The following ERC2 variants were observed in gnomAD, a reference collection of about 807,000 sequenced individuals.
ERC2 encodes the protein ELKS/RAB6-interacting/CAST family member 2, also known as ERC protein 2.
In ERC2, 42 loss-of-function variants were observed where a neutral mutation model predicts 114.8. The observed-to-expected ratio is 0.37, with a 90% CI of 0.29 to 0.47. The LOEUF (loss-of-function observed/expected upper bound fraction) is 0.47, where lower values mean the gene tolerates loss of function less well. ERC2 is among the 20% of genes least tolerant of loss of function. The pLI, the probability that ERC2 is intolerant of heterozygous loss-of-function variation, is 0.99. For missense variants in ERC2, 939 were observed against 1,150.7 expected, an observed-to-expected ratio of 0.82 and a Z score of 2.66; for synonymous variants, 454 against 425.5, an observed-to-expected ratio of 1.07 and a Z score of -0.82.
intron 7 of ERC2, among the ~76,000 whole-genome samples, chr3:56,064,844 A>C (rs985078386): frequency 9.2e-5 from 14 of 152,228 alleles, no homozygotes. Context: ...TTTGTAAATA[A>C]AGTTTTATTG....
At chr3:55,728,810 G>A (rs376607201) in intron 15 of ERC2, among the ~76,000 whole-genome samples, 1 of 152,250 alleles carries the variant, frequency 6.6e-6, no homozygotes, top group South Asian at 2.1e-4. Flanking sequence ...GTACTCTGAC[G>A]GCGTGTTGTT....
intron 16 of ERC2, among the ~76,000 whole-genome samples, chr3:55,686,156 A>G (rs1203811567): frequency 6.6e-6 from 1 of 152,206 alleles, no homozygotes; most frequent in African/African-American, 2.4e-5. Flanking sequence ...AGGAATAAAA[A>G]GGGGCTCCCA....
At chr3:55,657,075 G>C (rs951303128) in intron 17 of ERC2, 2 of 152,190 alleles carry the variant, frequency 1.3e-5, no homozygotes, top group Non-Finnish European at 2.9e-5. Flanking sequence ...CCACTGGGAA[G>C]CTCCGTGGCT....
intron 15 of ERC2, among the ~76,000 whole-genome samples, chr3:55,701,352 T>C (rs1559519675): frequency 6.6e-6 from 1 of 152,126 alleles, no homozygotes; most frequent in Non-Finnish European, 1.5e-5. Flanking sequence ...CTCTAGGCTT[T>C]TTTCCTTGTC....
chr3:56,217,406 T>A (rs112830258), intron 3 of ERC2, among the ~76,000 whole-genome samples: 3,271 of 151,594 alleles, frequency 0.022, 53 homozygotes, highest in Non-Finnish European at 0.036. Context: ...CCAAAGAGAA[T>A]AATACCTAGG....
At chr3:55,652,223 C>T (rs1225707771) in intron 17 of ERC2, among the ~76,000 whole-genome samples, 2 of 152,216 alleles carry the variant, frequency 1.3e-5, no homozygotes, top group East Asian at 3.8e-4. Context: ...GTTTATTTAT[C>T]ATCTACAACT....
intron 14 of ERC2, among the ~76,000 whole-genome samples, chr3:55,869,103 T>G (rs2062453293): frequency 6.6e-6 from 1 of 152,160 alleles, no homozygotes; most frequent in Non-Finnish European, 1.5e-5. Context: ...AGTTGACCAA[T>G]GTGAATGTAA....
chr3:55,951,915 C>G (rs566408085), intron 12 of ERC2, among the ~76,000 whole-genome samples: 1 of 151,970 alleles, frequency 6.6e-6, no homozygotes, highest in East Asian at 1.9e-4. Context: ...TATGTACCCC[C>G]CTACTCTCTC....
intron 13 of ERC2, among the ~76,000 whole-genome samples, chr3:55,912,766 C>T (rs1412796032): frequency 2.0e-5 from 3 of 151,658 alleles, no homozygotes; most frequent in Non-Finnish European, 4.4e-5. Context: ...TACTTTGACC[C>T]CAATTATAAA....
Position 55,950,333 on chromosome 3 carries a change from T to C in ERC2, c.2403+92A>G. 4 of 1,502,064 alleles carry C rather than the reference T, an allele frequency of 2.7e-6. No homozygotes were observed. In the South Asian group the frequency reaches 5.1e-5, roughly 19 times the overall value. The allele number at this position is 1,502,064 out of a possible 1,614,324, so 93.0% of individuals were successfully genotyped here. A position where few individuals can be genotyped will look rare whatever the true frequency, so the allele number is the denominator to read the frequency against. On this transcript the variant is annotated intron_variant, in intron 13 of 17. Coordinates refer to ENST00000288221, the MANE Select transcript of ERC2 (RefSeq NM_015576.3). ...CTCAGGGCAAAGGCAAAGTCCACCA[T>C]TTCTGTGCATATTTTCTGGCACCAA...
intron 7 of ERC2, among the ~76,000 whole-genome samples, chr3:56,032,913 A>AAGAAAGAAAGAGAGAGAGAGAC (rs2074478047): frequency 1.0e-4 from 7 of 68,694 alleles, no homozygotes; most frequent in East Asian, 3.7e-4. Context: ...GAAAGAAAGA[A>AAGAAAGAAAGAGAGAGAGAGAC]AGAAAGAAAG....
chr3:56,371,114 T>G (rs2059347559), intron 2 of ERC2, among the ~76,000 whole-genome samples: 1 of 152,156 alleles, frequency 6.6e-6, no homozygotes. Flanking sequence ...TTTCCAGAAT[T>G]GGTCAGCCAC....
At chr3:56,249,704 G>T (rs1299800876) in intron 3 of ERC2, among the ~76,000 whole-genome samples, 1 of 152,194 alleles carries the variant, frequency 6.6e-6, no homozygotes, top group Non-Finnish European at 1.5e-5. Context: ...CACACTACAG[G>T]TTGCTGTGAG....
chr3:56,011,758 A>T (rs1262732327), intron 8 of ERC2, among the ~76,000 whole-genome samples: 2 of 152,196 alleles, frequency 1.3e-5, no homozygotes, highest in Non-Finnish European at 2.9e-5. Context: ...TGGTGCAACA[A>T]CTGTGGCCAA....
intron 7 of ERC2, among the ~76,000 whole-genome samples, chr3:56,026,057 C>CTTTTTTTT (rs59635680): frequency 2.7e-3 from 187 of 69,172 alleles, no homozygotes; most frequent in Non-Finnish European, 3.8e-3. Flanking sequence ...CCGTTTCTTT[C>CTTTTTTTT]TTTTTTTTTT....
intron 17 of ERC2, among the ~76,000 whole-genome samples, chr3:55,580,229 A>G (rs2057188593): frequency 7.0e-6 from 1 of 143,688 alleles, no homozygotes. Flanking sequence ...AATAGGAAGC[A>G]TATTTTTTTT....
intron 3 of ERC2, among the ~76,000 whole-genome samples, chr3:56,287,730 G>C (rs2054816491): frequency 6.6e-6 from 1 of 152,184 alleles, no homozygotes; most frequent in African/African-American, 2.4e-5. Context: ...TTAGGAACAA[G>C]GTACTTCAAT....
chr3:56,189,995 T>C (rs778098824), intron 3 of ERC2, among the ~76,000 whole-genome samples: 1 of 152,190 alleles, frequency 6.6e-6, no homozygotes, highest in Admixed American at 6.5e-5. Context: ...GTGAGTTTTA[T>C]AGTGTTCAAA....
In ERC2 at chr3:55,926,420, A is replaced by AAAT. The variant is rs1264457246; in HGVS notation, c.2403+24004_2403+24005insATT. 5.9e-5 allele frequency among the ~76,000 whole-genome samples: 9 copies of AAAT among 151,566 alleles called. No homozygotes were observed. In the East Asian group the frequency reaches 1.4e-3, roughly 23 times the overall value. ...TGTTTTTTGTTTTTTGTTTTTAAAA[A>AAAT]AAAAAAAACTAAAAGATCGAAGTCC... is the stretch of plus-strand genomic sequence containing the variant. On this transcript the variant is annotated intron_variant, in intron 13 of 17. Transcript: ENST00000288221.
Sources: gnomAD v4.1 joint callset for allele counts (sites outside exome capture counted in the v4.1 genomes callset) on GRCh38, gnomAD v4.1.1 for gene constraint, MANE v1.5 for transcripts, NCBI Gene and HGNC (gene_info 2026-07-23, HGNC 2026-07-21) for gene names.